The following PCDHGB7 variants were observed in gnomAD, a reference collection of about 807,000 sequenced individuals.
PCDHGB7 encodes the protein protocadherin gamma subfamily B, 7, also known as protocadherin gamma-B7.
PCDHGB7 carries 37 observed loss-of-function variants against 61.4 expected under a neutral mutation model. The ratio of observed to expected loss-of-function variants is 0.60; its 90% CI spans 0.46 to 0.79. PCDHGB7 has a LOEUF of 0.79. PCDHGB7 is among the 30% of genes least tolerant of loss of function. The pLI, the probability that PCDHGB7 is intolerant of heterozygous loss-of-function variation, is 0.00. For synonymous variants in PCDHGB7, 464 were observed against 503.5 expected, an observed-to-expected ratio of 0.92 and a Z score of 1.05; for missense variants, 1,166 against 1,202.5, an observed-to-expected ratio of 0.97 and a Z score of 0.45.
chr5:141,501,419 C>A (rs910783867), intron 2 of PCDHGB7, among the ~76,000 whole-genome samples: 1 of 151,920 alleles, frequency 6.6e-6, no homozygotes, highest in Non-Finnish European at 1.5e-5. Flanking sequence ...AAATAGTTGA[C>A]TAAATGTAGT....
chr5:141,490,945 C>T lies in PCDHGB7; in HGVS notation c.2416-3862C>T, dbSNP rs2099706308. On this transcript the variant is annotated intron_variant, in intron 1 of 3. Transcript: ENST00000398594. This position sits in a 1 kb window ranked among gnomAD's most constrained non-coding sequence, Gnocchi z 5.4. ...TGCCCCAGCTGTGCTGCACCCACGG[C>T]CAGACTGGGAACACTCAGCCCCCCA... The T allele has an allele frequency of 6.2e-7, 1 of 1,613,434 alleles. No homozygotes were observed. Among genetic ancestry groups the T allele is most frequent in the South Asian group, 1.1e-5 (1 of 91,010 alleles).
chr5:141,464,306 A>G (rs1438401635), intron 1 of PCDHGB7, among the ~76,000 whole-genome samples: 3 of 150,952 alleles, frequency 2.0e-5, no homozygotes. Context: ...TTGTATGTGC[A>G]CATATCATTA....
Position 141,431,137 on chromosome 5 carries a change from T to G in PCDHGB7, c.2415+10863T>G. 3 of 1,614,212 alleles carry G rather than the reference T, an allele frequency of 1.9e-6. No individual in the cohort carries two copies. The highest frequency in any genetic ancestry group is 2.2e-5 in the South Asian group (2 of 91,084). On this transcript the variant is annotated intron_variant, in intron 1 of 3. Coordinates refer to ENST00000398594, the MANE Select transcript of PCDHGB7 (RefSeq NM_018927.4). This position sits in a 1 kb window ranked among gnomAD's most constrained non-coding sequence, Gnocchi z 4.8. Reference sequence around the variant, plus strand: ...GAGTAGAAGTAGAAGTAAGGGACATTAACGACAATGCGCCTTACTTTCGTG... The same window carrying G: ...GAGTAGAAGTAGAAGTAAGGGACATGAACGACAATGCGCCTTACTTTCGTG...
intron 1 of PCDHGB7, chr5:141,423,905 G>T: frequency 7.9e-7 from 1 of 1,273,594 alleles, no homozygotes; most frequent in Non-Finnish European, 9.9e-7. Flanking sequence ...GATTTCAAAG[G>T]GGCCATTCAA....
At chr5:141,488,213 C>T (rs1261280988) in intron 1 of PCDHGB7, among the ~76,000 whole-genome samples, 1 of 152,118 alleles carries the variant, frequency 6.6e-6, no homozygotes, top group Non-Finnish European at 1.5e-5. Context: ...CATATCAAGT[C>T]CCTACTGGGG....
At chr5:141,459,215 G>C (rs2098963353) in intron 1 of PCDHGB7, among the ~76,000 whole-genome samples, 1 of 152,112 alleles carries the variant, frequency 6.6e-6, no homozygotes, top group South Asian at 2.1e-4. Flanking sequence ...TACTTCTCCA[G>C]CTCCAGGCAA....
In PCDHGB7 at chr5:141,419,576, G is replaced by A. The variant is rs958064613; in HGVS notation, c.1717G>A (p.Ala573Thr). 6.2e-6 allele frequency: 10 copies of A among 1,611,766 alleles called. No homozygotes were observed. Among genetic ancestry groups the A allele is most frequent in the Non-Finnish European group, 6.8e-6 (8 of 1,179,508 alleles). ...CCCTGCGCTGGGTCCCGACGGCTCC[G>A]CGCTCTTCGACACAGTGCCGCGGGC... is the stretch of plus-strand genomic sequence containing the variant. ...LYPALGPDGS[A>T]LFDTVPRAAQ... is the part of the protein sequence containing the mutation. Residue 573 changes from alanine (A) to threonine (T), a missense_variant, in exon 1 of 4, where the codon GCG becomes ACG. By Grantham distance (58) the Ala-to-Thr change is moderately conservative. Coordinates refer to ENST00000398594, the MANE Select transcript of PCDHGB7 (RefSeq NM_018927.4).
At position 141,438,591 on chromosome 5, in the gene PCDHGB7, CATATATATATATAT is replaced by C. The variant is rs946798767; in HGVS notation, c.2415+18349_2415+18362del. Among the ~76,000 whole-genome samples the C allele has an allele frequency of 7.9e-5, 6 of 75,562 alleles. No individual in the cohort carries two copies. The East Asian group carries it at 1.7e-3, about 22-fold the overall frequency. 49.6% of individuals were successfully genotyped at this position (75,562 alleles called of 152,430 possible). On this transcript the variant is annotated intron_variant, in intron 1 of 3. Transcript: ENST00000398594. ...TCTGATATACATACATACATACATA[CATATATATATATAT>C]ATATATATATATATATATATATATA...
At chr5:141,437,862 C>T (rs535370570) in intron 1 of PCDHGB7, among the ~76,000 whole-genome samples, 5 of 152,002 alleles carry the variant, frequency 3.3e-5, no homozygotes, top group African/African-American at 9.6e-5. Context: ...CTTAGCCTCC[C>T]GAGTAGCTGG....
rs2099735960 is a variant in PCDHGB7 at position 141,491,997 on chromosome 5, G to A, written c.2416-2810G>A. On this transcript the variant is annotated intron_variant, in intron 1 of 3. Transcript: ENST00000398594. The surrounding 1 kb of genome is among the most constrained non-coding windows in gnomAD (Gnocchi z 6.9). ...CCTTCGAGCTTCCGGTGAATTTCGG[G>A]CGATTTCCGCGGGTGTCGGGGGTCC... The A allele has an allele frequency of 1.5e-6, 1 of 671,074 alleles. No homozygotes were observed. The allele number at this position is 671,074 out of a possible 1,614,324, so 41.6% of individuals were successfully genotyped here.
rs531855306 is a variant in PCDHGB7 at position 141,422,110 on chromosome 5, T to C, written c.2415+1836T>C. 230 of 1,606,626 alleles carry C rather than the reference T, an allele frequency of 1.4e-4. 6 individuals carry two copies. The South Asian group carries it at 2.5e-3, about 17-fold the overall frequency. On this transcript the variant is annotated intron_variant, in intron 1 of 3. Coordinates refer to ENST00000398594, the MANE Select transcript of PCDHGB7 (RefSeq NM_018927.4). The stretch of plus-strand genomic sequence containing the variant: ...AAGCAAGGCTTCTGAAATATTCCAA[T>C]TGGATTCACAAACTGGAGAAGTTCA...
In PCDHGB7 at chr5:141,419,542, G is replaced by C. The variant is rs771168003; in HGVS notation, c.1683G>C (p.Arg561=). 3 of 1,612,016 alleles carry C rather than the reference G, an allele frequency of 1.9e-6. No homozygotes were observed. The highest frequency in any genetic ancestry group is 2.2e-5 in the South Asian group (2 of 90,974). Residue 561 remains arginine (R), a synonymous_variant, in exon 1 of 4, where the codon CGG becomes CGC. Coordinates refer to ENST00000398594, the MANE Select transcript of PCDHGB7 (RefSeq NM_018927.4). ...GCGACCGTAACGACAACGCACCGCG[G>C]GTGCTGTACCCTGCGCTGGGTCCCG... ...LVGDRNDNAP[R]VLYPALGPDG...
chr5:141,487,404 C>A lies in PCDHGB7; in HGVS notation c.2416-7403C>A, dbSNP rs771371344. 1.2e-6 allele frequency: 2 copies of A among 1,614,178 alleles called. No homozygotes were observed. Among genetic ancestry groups the A allele is most frequent in the Non-Finnish European group, 1.7e-6 (2 of 1,180,032 alleles). ...AGATCTCGAAGGAGGGAGGGGCTTC[C>A]CCCTTCCAATGGGATCCTCCGAATC... is the stretch of plus-strand genomic sequence containing the variant. On this transcript the variant is annotated intron_variant, in intron 1 of 3. Coordinates refer to ENST00000398594, the MANE Select transcript of PCDHGB7 (RefSeq NM_018927.4). The surrounding 1 kb of genome is among the most constrained non-coding windows in gnomAD (Gnocchi z 5.0).
rs1472806327 is a variant in PCDHGB7 at position 141,447,891 on chromosome 5, G to C, written c.2415+27617G>C. Among the ~76,000 whole-genome samples the C allele has an allele frequency of 1.3e-5, 2 of 152,080 alleles. 1 individual carries two copies. Among genetic ancestry groups the C allele is most frequent in the African/African-American group, 4.8e-5 (2 of 41,408 alleles). On this transcript the variant is annotated intron_variant, in intron 1 of 3. Coordinates refer to ENST00000398594, the MANE Select transcript of PCDHGB7 (RefSeq NM_018927.4). Reference sequence around the variant, plus strand: ...ATCTGAGGTCAGGAGTTCGAGACCAGCCTGGCCAACATGGTGAAACTCTGT... The same window carrying C: ...ATCTGAGGTCAGGAGTTCGAGACCACCCTGGCCAACATGGTGAAACTCTGT...
In PCDHGB7 at chr5:141,419,493, A is replaced by G. The variant is rs1246204844; in HGVS notation, c.1634A>G (p.Asn545Ser). 5.0e-6 allele frequency: 8 copies of G among 1,612,382 alleles called. No individual in the cohort carries two copies. The highest frequency in any genetic ancestry group is 1.7e-4 in the Middle Eastern group (1 of 5,978). Residue 545 changes from asparagine (N) to serine (S), a missense_variant, in exon 1 of 4, where the codon AAT becomes AGT. Asn to Ser is a conservative substitution (Grantham distance 46). Coordinates refer to ENST00000398594, the MANE Select transcript of PCDHGB7 (RefSeq NM_018927.4). ...RDQGSPALSANVSLRVLVGDR... is the reference protein window; with the variant it reads ...RDQGSPALSASVSLRVLVGDR... ...CAGGGCTCGCCCGCGCTCAGCGCCA[A>G]TGTGAGCCTGCGCGTGTTGGTGGGC...
At position 141,489,503 on chromosome 5, in the gene PCDHGB7, A is replaced by T; in HGVS notation, c.2416-5304A>T. 1 of 1,614,092 alleles carries T rather than the reference A, an allele frequency of 6.2e-7. No homozygotes were observed. ...ATGAGTGGTGCCCTGGCAGTGAATC[A>T]AAAGATTGACCGAGAAAGCCTATGT... is the stretch of plus-strand genomic sequence containing the variant. On this transcript the variant is annotated intron_variant, in intron 1 of 3. Transcript: ENST00000398594. The surrounding 1 kb of genome is among the most constrained non-coding windows in gnomAD (Gnocchi z 4.5).
intron 1 of PCDHGB7, 138 bp from the exon 2 acceptor site, chr5:141,494,669 T>A: frequency 6.5e-7 from 1 of 1,527,472 alleles, no homozygotes; most frequent in South Asian, 1.2e-5. Context: ...TGGAGATGAG[T>A]CCACCCCTGC....
rs750214310 is a variant in PCDHGB7 at position 141,432,447 on chromosome 5, T to C, written c.2415+12173T>C. 1 of 1,614,202 alleles carries C rather than the reference T, an allele frequency of 6.2e-7. No homozygotes were observed. Among genetic ancestry groups the C allele is most frequent in the South Asian group, 1.1e-5 (1 of 91,072 alleles). ...CAGAACGACAATGCGCCCGAGATCCTGTACCCCGCCCTCCCCACGGACGGT... is the reference window on the plus strand; with the variant it reads ...CAGAACGACAATGCGCCCGAGATCCCGTACCCCGCCCTCCCCACGGACGGT... On this transcript the variant is annotated intron_variant, in intron 1 of 3. Coordinates refer to ENST00000398594, the MANE Select transcript of PCDHGB7 (RefSeq NM_018927.4). This position sits in a 1 kb window ranked among gnomAD's most constrained non-coding sequence, Gnocchi z 6.0.
At chr5:141,454,034 G>A (rs530844564) in intron 1 of PCDHGB7, among the ~76,000 whole-genome samples, 10 of 152,270 alleles carry the variant, frequency 6.6e-5, no homozygotes, top group African/African-American at 2.4e-4. Context: ...GAATTGGCCA[G>A]CAAAGATAAA....
Sources: gnomAD v4.1 joint callset for allele counts (sites outside exome capture counted in the v4.1 genomes callset) on GRCh38, gnomAD v4.1.1 for gene constraint, Gnocchi (gnomAD v3.1) non-coding constraint, MANE v1.5 for transcripts, NCBI Gene and HGNC (gene_info 2026-07-23, HGNC 2026-07-21) for gene names.